ABCE1: variants seen among roughly 807,000 people sequenced by gnomAD.
ABCE1 encodes the protein ATP-binding cassette sub-family E member 1.
Under a neutral mutation model 83.4 loss-of-function variants are expected in ABCE1, and 22 were observed. That is an observed-to-expected ratio of 0.26 (90% CI 0.19 to 0.38). The LOEUF is 0.38. ABCE1 is among the 10% of genes least tolerant of loss of function. The probability of loss-of-function intolerance (pLI) is 1.00; values close to 1 mark genes in which losing one functional copy is unlikely to be tolerated. For synonymous variants in ABCE1, 204 were observed against 233.7 expected, an observed-to-expected ratio of 0.87 and a Z score of 1.16; for missense variants, 330 against 721.9, an observed-to-expected ratio of 0.46 and a Z score of 6.22.
chr4:145,118,253 C>CTTT (rs4148244), intron 10 of ABCE1, among the ~76,000 whole-genome samples: 1 of 134,532 alleles, frequency 7.4e-6, no homozygotes. Flanking sequence ...TTCTTTCTTT[C>CTTT]TTTTTTTTTT....
intron 9 of ABCE1, among the ~76,000 whole-genome samples, chr4:145,113,482 A>G (rs1433268052): frequency 6.6e-6 from 1 of 152,192 alleles, no homozygotes; most frequent in Non-Finnish European, 1.5e-5. Flanking sequence ...AGCAGAAGCA[A>G]CGAACCAATA....
chr4:145,126,041 T>C (rs1203581192), intron 17 of ABCE1, among the ~76,000 whole-genome samples: 1 of 152,012 alleles, frequency 6.6e-6, no homozygotes, highest in Non-Finnish European at 1.5e-5. Context: ...TCTCTGTCCC[T>C]GCCCCCGCCC....
intron 8 of ABCE1, among the ~76,000 whole-genome samples, chr4:145,111,759 G>A (rs1749482219): frequency 6.6e-6 from 1 of 152,098 alleles, no homozygotes; most frequent in Non-Finnish European, 1.5e-5. Flanking sequence ...AGAGAGGAGA[G>A]GAAAGTTTCC....
intron 3 of ABCE1, among the ~76,000 whole-genome samples, chr4:145,106,039 A>C (rs370541734): frequency 6.6e-6 from 1 of 151,930 alleles, no homozygotes; most frequent in East Asian, 1.9e-4. Context: ...AAATGCACAC[A>C]GCCAAAAATT....
chr4:145,111,704 G>A (rs1014276565), intron 8 of ABCE1, among the ~76,000 whole-genome samples: 1 of 152,144 alleles, frequency 6.6e-6, no homozygotes, highest in African/African-American at 2.4e-5. Context: ...AGCAAGACGC[G>A]AGGTCTTTTA....
intron 17 of ABCE1, among the ~76,000 whole-genome samples, chr4:145,126,506 G>T (rs1336117415): frequency 6.6e-6 from 1 of 152,054 alleles, no homozygotes; most frequent in African/African-American, 2.4e-5. Context: ...CATCTTGCCC[G>T]TGCTAGTCTT....
intron 2 of ABCE1, among the ~76,000 whole-genome samples, chr4:145,105,036 C>T (rs1391934293): frequency 1.3e-5 from 2 of 151,924 alleles, no homozygotes; most frequent in Non-Finnish European, 2.9e-5. Flanking sequence ...TGTGAATATA[C>T]GAATGAGGCA....
In ABCE1 at chr4:145,127,720, T is replaced by C. The variant is rs770308865; in HGVS notation, c.*147T>C. The C allele has an allele frequency of 1.9e-6, 1 of 538,014 alleles. No homozygotes were observed. The highest frequency in any genetic ancestry group is 3.0e-6 in the Non-Finnish European group (1 of 331,250). 33.3% of individuals were successfully genotyped at this position (538,014 alleles called of 1,614,324 possible). A position where few individuals can be genotyped will look rare whatever the true frequency, so the allele number is the denominator to read the frequency against. ...ACTTAATATAACATAAAAAGCCAGT[T>C]GGGTTCTAAATTGTAGTTGAAACAC... On this transcript the variant is annotated 3_prime_UTR_variant, in exon 18 of 18. Coordinates refer to ENST00000296577, the MANE Select transcript of ABCE1 (RefSeq NM_002940.3).
rs373763801 is a variant in ABCE1 at position 145,122,841 on chromosome 4, A to G, written c.1264-180A>G. On this transcript the variant is annotated intron_variant, in intron 13 of 17. Coordinates refer to ENST00000296577, the MANE Select transcript of ABCE1 (RefSeq NM_002940.3). ...AAAAAAATTCCTTTTTACTTGTTGG[A>G]CATGATGGGTTTTGAATAGAAAATC... is the stretch of plus-strand genomic sequence containing the variant. The G allele has an allele frequency of 1.0e-3, 514 of 511,808 alleles. 9 individuals carry two copies. In the South Asian group the frequency reaches 0.021, roughly 20 times the overall value. 31.7% of individuals were successfully genotyped at this position (511,808 alleles called of 1,614,324 possible). A position where few individuals can be genotyped will look rare whatever the true frequency, so the allele number is the denominator to read the frequency against.
In ABCE1 at chr4:145,123,620, T is replaced by A; in HGVS notation, c.1640+20T>A. 6.4e-7 allele frequency: 1 copy of A among 1,561,794 alleles called. No individual in the cohort carries two copies. Among genetic ancestry groups the A allele is most frequent in the Non-Finnish European group, 8.7e-7 (1 of 1,143,654 alleles). On this transcript the variant is annotated intron_variant, in intron 16 of 17. Coordinates refer to ENST00000296577, the MANE Select transcript of ABCE1 (RefSeq NM_002940.3). The stretch of plus-strand genomic sequence containing the variant: ...AAACAGGTAAAATTACTTTTTAATA[T>A]GTTCAAAGTAATTCATTTTAAATTT...
chr4:145,113,660 C>T (rs755981938), intron 9 of ABCE1, among the ~76,000 whole-genome samples: 34 of 152,094 alleles, frequency 2.2e-4, no homozygotes, highest in African/African-American at 5.8e-4. Flanking sequence ...ATTCTAAGGG[C>T]GGCTATTAAA....
chr4:145,106,785 G>A (rs1749315391), intron 3 of ABCE1, among the ~76,000 whole-genome samples: 2 of 152,078 alleles, frequency 1.3e-5, no homozygotes, highest in African/African-American at 4.8e-5. Context: ...GATAATGGAG[G>A]TAACTCCACT....
At position 145,121,156 on chromosome 4, in the gene ABCE1, C is replaced by CA. The variant is rs771713144; in HGVS notation, c.1145-17dup. ...TCAAGCATCTTTCAGATCAAACTGT[C>CA]ATATGTTGTGTTGCCAGGAACGGGT... On this transcript the variant is annotated splice_polypyrimidine_tract_variant and intron_variant, in intron 11 of 17. Coordinates refer to ENST00000296577, the MANE Select transcript of ABCE1 (RefSeq NM_002940.3). 4.3e-6 allele frequency: 7 copies of CA among 1,612,408 alleles called. No homozygotes were observed. Among genetic ancestry groups the CA allele is most frequent in the Non-Finnish European group, 5.9e-6 (7 of 1,179,578 alleles).
Position 145,112,225 on chromosome 4 carries a change from T to G in ABCE1, c.711-14T>G. On this transcript the variant is annotated splice_polypyrimidine_tract_variant and intron_variant, in intron 8 of 17. Transcript: ENST00000296577. ...TTCAAACTTATATTTGCTTTTTTTT[T>G]TTTTTTTTCATAGTTTCATGTTTGA... is the stretch of plus-strand genomic sequence containing the variant. 3.3e-6 allele frequency: 5 copies of G among 1,505,156 alleles called. No homozygotes were observed. The highest frequency in any genetic ancestry group is 4.4e-6 in the Non-Finnish European group (5 of 1,124,022). 93.2% of individuals were successfully genotyped at this position (1,505,156 alleles called of 1,614,324 possible).
chr4:145,123,179 A>G (rs748816752), intron 14 of ABCE1, 36 bp from the exon 15 acceptor site: 31 of 1,585,112 alleles, frequency 2.0e-5, no homozygotes, highest in Non-Finnish European at 2.6e-6. Flanking sequence ...TGAATTTTGG[A>G]TGCCTTTACA....
In ABCE1 at chr4:145,128,443, A is replaced by C. The variant is rs756900357; in HGVS notation, c.*870A>C. On this transcript the variant is annotated 3_prime_UTR_variant, in exon 18 of 18. Transcript: ENST00000296577. ...CATCTATGTATTTTTTTTAAGTTCCACAGATTTTTCTGTTGGGCAGCCAAG... is the reference window on the plus strand; with the variant it reads ...CATCTATGTATTTTTTTTAAGTTCCCCAGATTTTTCTGTTGGGCAGCCAAG... 4.6e-5 allele frequency: 7 copies of C among 152,164 alleles called. No homozygotes were observed. Among genetic ancestry groups the C allele is most frequent in the Non-Finnish European group, 1.0e-4 (7 of 68,028 alleles). 9.4% of individuals were successfully genotyped at this position (152,164 alleles called of 1,614,324 possible).
intron 9 of ABCE1, 78 bp from the exon 10 acceptor site, chr4:145,117,214 TG>T (rs1749629889): frequency 1.6e-6 from 2 of 1,241,812 alleles, no homozygotes; most frequent in Non-Finnish European, 2.2e-6. Context: ...TTTTATTAGA[TG>T]TATCTCTTTT....
chr4:145,101,918 A>G (rs181224237), intron 1 of ABCE1, among the ~76,000 whole-genome samples: 21 of 152,292 alleles, frequency 1.4e-4, no homozygotes, highest in Admixed American at 1.3e-4. Context: ...AATTTGCAGT[A>G]TATAAATGGA....
chr4:145,119,810 A>G (rs1414326021), intron 10 of ABCE1, 122 bp from the exon 11 acceptor site: 2 of 670,966 alleles, frequency 3.0e-6, no homozygotes, highest in Non-Finnish European at 5.1e-6. Flanking sequence ...CTTTATATGC[A>G]GACCAACATG....
Sources: allele counts gnomAD v4.1 joint callset (sites outside exome capture counted in the v4.1 genomes callset), GRCh38; gene constraint gnomAD v4.1.1; transcripts MANE v1.5; gene names NCBI Gene and HGNC (gene_info 2026-07-23, HGNC 2026-07-21).